STXBP5L: variants seen among roughly 807,000 people sequenced by gnomAD.
STXBP5L encodes syntaxin binding protein 5L.
STXBP5L carries 65 observed loss-of-function variants against 144.5 expected under a neutral mutation model. The ratio of observed to expected loss-of-function variants is 0.45; its 90% confidence interval spans 0.37 to 0.55. The LOEUF is 0.55. Among genes scored for constraint, STXBP5L ranks in the 20% least tolerant of loss-of-function variants. STXBP5L has a pLI of 0.00. For missense variants in STXBP5L, 1,298 were observed against 1,405.5 expected, an observed-to-expected ratio of 0.92 and a Z score of 1.22; for synonymous variants, 505 against 469.6, an observed-to-expected ratio of 1.08 and a Z score of -0.97.
chr3:121,189,805 A>G (rs1337518335), intron 9 of STXBP5L, among the ~76,000 whole-genome samples: 1 of 152,094 alleles, frequency 6.6e-6, no homozygotes, highest in Non-Finnish European at 1.5e-5. Flanking sequence ...TCATTTTTCC[A>G]TAATGAATAA....
intron 3 of STXBP5L, among the ~76,000 whole-genome samples, chr3:121,039,906 C>T (rs1947027118): frequency 6.6e-6 from 1 of 151,806 alleles, no homozygotes; most frequent in Admixed American, 6.6e-5. Flanking sequence ...CACTAATCCT[C>T]AATGAATTTT....
intron 18 of STXBP5L, 29 bp from the exon 19 acceptor site, chr3:121,279,776 A>G (rs765910810): frequency 1.9e-6 from 3 of 1,608,108 alleles, no homozygotes; most frequent in African/African-American, 2.7e-5. Flanking sequence ...GTTGTGATAC[A>G]TTCTAGTTGT....
chr3:121,276,576 A>C (rs2050892853), intron 18 of STXBP5L, among the ~76,000 whole-genome samples: 3 of 151,788 alleles, frequency 2.0e-5, no homozygotes, highest in Admixed American at 2.0e-4. Flanking sequence ...TTTTTTGCAA[A>C]AATTCTTTTC....
At chr3:121,000,421 A>G (rs1478922462) in intron 3 of STXBP5L, among the ~76,000 whole-genome samples, 2 of 152,126 alleles carry the variant, frequency 1.3e-5, no homozygotes, top group Non-Finnish European at 2.9e-5. Flanking sequence ...TTCCAATTGA[A>G]TTATGAAATT....
intron 3 of STXBP5L, among the ~76,000 whole-genome samples, chr3:120,989,815 A>T (rs1942654588): frequency 6.6e-6 from 1 of 151,970 alleles, no homozygotes; most frequent in Non-Finnish European, 1.5e-5. Flanking sequence ...TCTAAAATCT[A>T]CTCTACCTAA....
Position 121,268,601 on chromosome 3 carries a change from A to G in STXBP5L, c.1958+9433A>G. ...TATATATTGATTATTACCATATTAT[A>G]TACTTGAATACACATTAAAGCGTAA... On this transcript the variant is annotated intron_variant, in intron 18 of 26. Transcript: ENST00000471454. 1.3e-5 allele frequency among the ~76,000 whole-genome samples: 2 copies of G among 152,350 alleles called. 1 individual carries two copies. Among genetic ancestry groups the G allele is most frequent in the South Asian group, 4.1e-4 (2 of 4,830 alleles).
At chr3:121,081,279 GT>G (rs907342303) in intron 5 of STXBP5L, among the ~76,000 whole-genome samples, 12 of 151,960 alleles carry the variant, frequency 7.9e-5, no homozygotes, top group African/African-American at 2.9e-4. Flanking sequence ...ATTTCTTTGT[GT>G]TGTTTTTTAC....
intron 20 of STXBP5L, among the ~76,000 whole-genome samples, chr3:121,342,895 A>G (rs1324776461): frequency 6.7e-6 from 1 of 149,530 alleles, no homozygotes; most frequent in Non-Finnish European, 1.5e-5. Context: ...TGGTATTTCT[A>G]GTTCTAGATC....
At chr3:121,027,570 T>C (rs1946041193) in intron 3 of STXBP5L, among the ~76,000 whole-genome samples, 1 of 152,092 alleles carries the variant, frequency 6.6e-6, no homozygotes, top group Admixed American at 6.6e-5. Context: ...CTTTCCATCC[T>C]CAAAGTCCAC....
chr3:121,206,029 G>A, intron 10 of STXBP5L, 28 bp downstream of exon 10: 1 of 1,361,964 alleles, frequency 7.3e-7, no homozygotes, highest in Non-Finnish European at 9.8e-7. Flanking sequence ...AGGGAAAGAG[G>A]GATACGAAGC....
At chr3:120,981,372 A>G (rs1159218502) in intron 3 of STXBP5L, among the ~76,000 whole-genome samples, 2 of 152,096 alleles carry the variant, frequency 1.3e-5, no homozygotes, top group Admixed American at 6.6e-5. Context: ...ATGTTTCTCA[A>G]AGGCTCTGCT....
intron 9 of STXBP5L, among the ~76,000 whole-genome samples, chr3:121,186,370 G>A (rs1175200027): frequency 2.0e-5 from 3 of 152,158 alleles, no homozygotes; most frequent in Non-Finnish European, 4.4e-5. Context: ...TCCCTGTCTT[G>A]TGCCCATTTT....
At chr3:121,398,920 G>A (rs6796068) in intron 22 of STXBP5L, among the ~76,000 whole-genome samples, 91,429 of 151,958 alleles carry the variant, frequency 0.6, 28,373 homozygotes, top group East Asian at 0.89. Context: ...TACCTGAATA[G>A]AACTAAGAGT....
chr3:121,303,953 C>T (rs2043239466), intron 19 of STXBP5L, among the ~76,000 whole-genome samples: 1 of 151,284 alleles, frequency 6.6e-6, no homozygotes, highest in Admixed American at 6.6e-5. Context: ...GGGTGCAGCA[C>T]ACAAACATGG....
intron 10 of STXBP5L, among the ~76,000 whole-genome samples, chr3:121,214,575 G>C (rs962198885): frequency 1.3e-5 from 2 of 152,138 alleles, no homozygotes; most frequent in Non-Finnish European, 2.9e-5. Context: ...CTGAAAGACT[G>C]TTATGATTTT....
intron 20 of STXBP5L, among the ~76,000 whole-genome samples, chr3:121,322,049 C>T (rs1281470500): frequency 4.6e-5 from 7 of 152,080 alleles, no homozygotes; most frequent in Non-Finnish European, 8.8e-5. Flanking sequence ...TCTATGGTTG[C>T]CATCCTTATG....
intron 5 of STXBP5L, among the ~76,000 whole-genome samples, chr3:121,107,466 A>G (rs2043769451): frequency 6.6e-6 from 1 of 152,222 alleles, no homozygotes; most frequent in Admixed American, 6.5e-5. Flanking sequence ...CATATATTAA[A>G]TAGGGAATCC....
At chr3:121,303,784 A>C (rs1366150184) in intron 19 of STXBP5L, among the ~76,000 whole-genome samples, 10 of 152,148 alleles carry the variant, frequency 6.6e-5, no homozygotes, top group Non-Finnish European at 2.9e-5. Flanking sequence ...AAGGACAAAA[A>C]ACCAAACACT....
At chr3:121,245,365 C>T (rs2049814061) in intron 14 of STXBP5L, among the ~76,000 whole-genome samples, 1 of 146,122 alleles carries the variant, frequency 6.8e-6, no homozygotes, top group South Asian at 2.2e-4. Context: ...AAAAACAAAA[C>T]CCAAAGGAAG....
Sources: gnomAD v4.1 joint callset for allele counts (sites outside exome capture counted in the v4.1 genomes callset) on GRCh38, gnomAD v4.1.1 for gene constraint, MANE v1.5 for transcripts, NCBI Gene and HGNC (gene_info 2026-07-23, HGNC 2026-07-21) for gene names.